ENPEP: variants seen among roughly 807,000 people sequenced by gnomAD.
ENPEP encodes AP-A.
In ENPEP, 103 loss-of-function variants were observed where a neutral mutation model predicts 114.5. That is an observed-to-expected ratio of 0.90 (90% CI 0.77 to 1.06). The LOEUF (loss-of-function observed/expected upper bound fraction) is 1.06, where lower values mean the gene tolerates loss of function less well. Among genes scored for constraint, ENPEP ranks in the 50% least tolerant of loss-of-function variants. The probability of loss-of-function intolerance (pLI) is 0.00; values close to 1 mark genes in which losing one functional copy is unlikely to be tolerated. For synonymous variants in ENPEP, 420 were observed against 422.0 expected, an observed-to-expected ratio of 1.00 and a Z score of 0.06; for missense variants, 1,196 against 1,161.3, an observed-to-expected ratio of 1.03 and a Z score of -0.43.
intron 11 of ENPEP, among the ~76,000 whole-genome samples, chr4:110,540,766 C>T (rs151300518): frequency 0.022 from 3,321 of 152,238 alleles, 42 homozygotes; most frequent in South Asian, 0.037. Context: ...GGCAGCATAT[C>T]CCCTTTCATT....
Position 110,491,064 on chromosome 4 carries a change from G to C in ENPEP, c.818G>C (p.Arg273Pro). Residue 273 changes from arginine (R) to proline (P), a missense_variant, in exon 3 of 20, where the codon CGA becomes CCA. Transcript: ENST00000265162. ...KEESVDDKWT[R>P]TTFEKSVPMS... ...GAGTCAGTGGATGATAAATGGACTC[G>C]AACAACTTTTGAGAAGTCTGTCCCC... The C allele has an allele frequency of 1.2e-6, 2 of 1,610,772 alleles. No individual in the cohort carries two copies. The highest frequency in any genetic ancestry group is 1.7e-6 in the Non-Finnish European group (2 of 1,179,390).
At chr4:110,505,145 A>G (rs986165217) in intron 3 of ENPEP, among the ~76,000 whole-genome samples, 7 of 152,198 alleles carry the variant, frequency 4.6e-5, no homozygotes, top group Non-Finnish European at 1.0e-4. Context: ...TTAGACGGTT[A>G]ATTCCCTTTA....
At chr4:110,532,538 C>G (rs1441596151) in intron 11 of ENPEP, among the ~76,000 whole-genome samples, 1 of 151,946 alleles carries the variant, frequency 6.6e-6, no homozygotes, top group East Asian at 1.9e-4. Flanking sequence ...CACCTTTTGT[C>G]TGTTATGAAT....
chr4:110,494,510 C>G (rs976730437), intron 3 of ENPEP, among the ~76,000 whole-genome samples: 1 of 152,184 alleles, frequency 6.6e-6, no homozygotes, highest in Non-Finnish European at 1.5e-5. Flanking sequence ...ACTATGCAAT[C>G]TAAGAATCTA....
chr4:110,529,992 C>T (rs1726343769), intron 10 of ENPEP, among the ~76,000 whole-genome samples: 1 of 152,226 alleles, frequency 6.6e-6, no homozygotes, highest in Non-Finnish European at 1.5e-5. Flanking sequence ...AGGAGAATCA[C>T]TTGAACCTGG....
chr4:110,533,129 C>G, intron 11 of ENPEP: 1 of 450,262 alleles, frequency 2.2e-6, no homozygotes, highest in Non-Finnish European at 4.5e-6. Flanking sequence ...GTTTGATTTA[C>G]TGTTTACAAG....
chr4:110,526,951 T>C (rs947008409), intron 10 of ENPEP, among the ~76,000 whole-genome samples: 1 of 152,172 alleles, frequency 6.6e-6, no homozygotes, highest in Non-Finnish European at 1.5e-5. Flanking sequence ...AATCTCCTTT[T>C]AGAATATTGT....
In ENPEP at chr4:110,491,307, A is replaced by G. The variant is rs1460572455; in HGVS notation, c.918+143A>G. 1.6e-5 allele frequency: 11 copies of G among 697,274 alleles called. No homozygotes were observed. The Admixed American group carries it at 2.5e-4, about 16-fold the overall frequency. The allele number at this position is 697,274 out of a possible 1,614,324, so 43.2% of individuals were successfully genotyped here. A position where few individuals can be genotyped will look rare whatever the true frequency, so the allele number is the denominator to read the frequency against. On this transcript the variant is annotated intron_variant, in intron 3 of 19. Coordinates refer to ENST00000265162, the MANE Select transcript of ENPEP (RefSeq NM_001977.4). ...CCCCAGGGTCTGTGGACTTGATAATACATAGAAAAATGTAGGCTGAAAGGA... is the reference window on the plus strand; with the variant it reads ...CCCCAGGGTCTGTGGACTTGATAATGCATAGAAAAATGTAGGCTGAAAGGA...
chr4:110,560,653 C>G (rs1171066403), intron 19 of ENPEP, among the ~76,000 whole-genome samples: 1 of 152,124 alleles, frequency 6.6e-6, no homozygotes, highest in Non-Finnish European at 1.5e-5. Context: ...TCTCGCCTCT[C>G]CTGTAAATGT....
At chr4:110,480,946 C>A (rs1430156060) in intron 1 of ENPEP, among the ~76,000 whole-genome samples, 1 of 152,144 alleles carries the variant, frequency 6.6e-6, no homozygotes, top group Admixed American at 6.5e-5. Flanking sequence ...CTCCTTCTTC[C>A]CATTTTCTCA....
intron 2 of ENPEP, 64 bp from the exon 3 acceptor site, chr4:110,490,969 G>A: frequency 6.6e-7 from 1 of 1,522,270 alleles, no homozygotes; most frequent in Non-Finnish European, 8.8e-7. Flanking sequence ...CCGTTTATTT[G>A]TTTGTCTTGC....
intron 1 of ENPEP, among the ~76,000 whole-genome samples, chr4:110,487,984 C>T (rs1442947277): frequency 6.6e-6 from 1 of 152,122 alleles, no homozygotes; most frequent in Non-Finnish European, 1.5e-5. Context: ...TCAGCACTGC[C>T]TTTACATGAA....
At chr4:110,511,518 A>C (rs1469953682) in intron 6 of ENPEP, among the ~76,000 whole-genome samples, 1 of 152,186 alleles carries the variant, frequency 6.6e-6, no homozygotes, top group Admixed American at 6.5e-5. Flanking sequence ...TAATTTATTG[A>C]AAATAAACTG....
chr4:110,542,249 A>C (rs557472790), intron 11 of ENPEP, among the ~76,000 whole-genome samples: 1 of 152,256 alleles, frequency 6.6e-6, no homozygotes, highest in Non-Finnish European at 1.5e-5. Flanking sequence ...TATCCTGCTT[A>C]GTGATAGCCA....
intron 12 of ENPEP, 30 bp from the exon 13 acceptor site, chr4:110,542,985 G>GT: frequency 6.2e-7 from 1 of 1,612,086 alleles, no homozygotes; most frequent in Non-Finnish European, 8.5e-7. Context: ...TAAGAATTGT[G>GT]TTTTTATCTC....
chr4:110,560,091 G>A (rs1727629640), intron 19 of ENPEP, among the ~76,000 whole-genome samples: 1 of 152,168 alleles, frequency 6.6e-6, no homozygotes, highest in African/African-American at 2.4e-5. Context: ...ATGGTTTCCA[G>A]CTTCATCCAT....
intron 10 of ENPEP, among the ~76,000 whole-genome samples, chr4:110,524,051 C>T (rs1305242672): frequency 6.6e-6 from 1 of 151,854 alleles, no homozygotes; most frequent in Non-Finnish European, 1.5e-5. Context: ...CAATTACAAA[C>T]TACAGAAAAT....
At chr4:110,485,496 A>G (rs891030275) in intron 1 of ENPEP, among the ~76,000 whole-genome samples, 5 of 152,168 alleles carry the variant, frequency 3.3e-5, no homozygotes, top group Admixed American at 2.0e-4. Flanking sequence ...GGCATTCTCT[A>G]AAATAAACAT....
intron 17 of ENPEP, among the ~76,000 whole-genome samples, 176 bp from the exon 18 acceptor site, chr4:110,553,139 T>A (rs1727349063): frequency 6.6e-6 from 1 of 152,134 alleles, no homozygotes; most frequent in South Asian, 2.1e-4. Flanking sequence ...TTAAAACAGT[T>A]AAACATATCA....
Sources: gnomAD v4.1 joint callset for allele counts (sites outside exome capture counted in the v4.1 genomes callset) on GRCh38, gnomAD v4.1.1 for gene constraint, MANE v1.5 for transcripts, NCBI Gene and HGNC (gene_info 2026-07-23, HGNC 2026-07-21) for gene names.